Variants in TRMT61B observed in about 807,000 individuals in gnomAD.
The protein encoded by TRMT61B is tRNA methyltransferase 61B, also known as tRNA (adenine(58)-N(1))-methyltransferase, mitochondrial.
A neutral mutation model predicts 52.0 loss-of-function variants in TRMT61B; 56 were observed. The ratio of observed to expected loss-of-function variants is 1.08; its 90% CI spans 0.87 to 1.35. The LOEUF (loss-of-function observed/expected upper bound fraction) is 1.35. TRMT61B is among the 40% of genes most tolerant of loss of function. The probability of loss-of-function intolerance (pLI) is 0.00; values close to 1 mark genes in which losing one functional copy is unlikely to be tolerated. For missense variants in TRMT61B, 650 were observed against 577.9 expected, an observed-to-expected ratio of 1.12 and a Z score of -1.28; for synonymous variants, 206 against 220.0, an observed-to-expected ratio of 0.94 and a Z score of 0.56.
intron 2 of TRMT61B, 138 bp from the exon 3 acceptor site, chr2:28,861,446 T>A: frequency 1.5e-6 from 1 of 685,934 alleles, no homozygotes. Flanking sequence ...TGATCTCCTA[T>A]CCCTGATCTC....
At chr2:28,853,781 A>G (rs1347265080) in intron 3 of TRMT61B, among the ~76,000 whole-genome samples, 1 of 152,074 alleles carries the variant, frequency 6.6e-6, no homozygotes, top group Non-Finnish European at 1.5e-5. Flanking sequence ...GGTTGCAGTA[A>G]GCCAAGATTA....
chr2:28,865,052 C>T lies in TRMT61B; in HGVS notation c.767G>A (p.Gly256Asp). The T allele has an allele frequency of 6.2e-7, 1 of 1,613,108 alleles. No individual in the cohort carries two copies. Among genetic ancestry groups the T allele is most frequent in the Admixed American group, 1.7e-5 (1 of 60,012 alleles). Residue 256 changes from glycine (G) to aspartate (D), a missense_variant, in exon 2 of 7, where the codon GGC (glycine) becomes GAC (aspartate). By Grantham distance (94) the Gly-to-Asp change is moderately conservative. Coordinates refer to ENST00000306108, the MANE Select transcript of TRMT61B (RefSeq NM_017910.4). The stretch of plus-strand genomic sequence containing the variant: ...TAAAAATAAGCTCATTCCACCAGAG[C>T]CTGAGCCAGCTTCCAAAACAGTATC... The part of the protein sequence containing the change: ...PGDTVLEAGS[G>D]SGGMSLFLSK...
At chr2:28,860,721 C>A (rs1669565345) in intron 3 of TRMT61B, among the ~76,000 whole-genome samples, 1 of 152,182 alleles carries the variant, frequency 6.6e-6, no homozygotes, top group South Asian at 2.1e-4. Context: ...ACTAAAGATG[C>A]CTTCTGCCTA....
chr2:28,856,673 C>T (rs1274763865), intron 3 of TRMT61B, among the ~76,000 whole-genome samples: 1 of 151,214 alleles, frequency 6.6e-6, no homozygotes. Flanking sequence ...CTCATCCTGT[C>T]GCCCAGGTTG....
intron 3 of TRMT61B, 81 bp downstream of exon 3, chr2:28,861,037 C>G (rs1183320931): frequency 9.9e-6 from 12 of 1,211,094 alleles, no homozygotes; most frequent in Non-Finnish European, 1.4e-5. Context: ...GAAGGAAGAC[C>G]TTTGCCCATA....
chr2:28,850,497 G>T (rs984866617), intron 5 of TRMT61B, 92 bp from the exon 6 acceptor site: 7 of 835,272 alleles, frequency 8.4e-6, no homozygotes, highest in East Asian at 5.5e-5. Flanking sequence ...TCTCTTTATT[G>T]TAAGTTTTTT....
At position 28,867,588 on chromosome 2, in the gene TRMT61B, G is replaced by A. The variant is rs542303921; in HGVS notation, c.699+1991C>T. The stretch of plus-strand genomic sequence containing the variant: ...AATTTAGTACTTAAATTCCTCCTTA[G>A]AGTGGAACAATGTGACTTTTATCTG... On this transcript the variant is annotated intron_variant, in intron 1 of 6. Transcript: ENST00000306108. Among the ~76,000 whole-genome samples, 3 of 152,290 alleles carry A rather than the reference G, an allele frequency of 2.0e-5. No individual in the cohort carries two copies. The South Asian group carries it at 6.2e-4, about 32-fold the overall frequency.
At position 28,850,378 on chromosome 2, in the gene TRMT61B, C is replaced by A; in HGVS notation, c.1340G>T (p.Gly447Val). 6.2e-7 allele frequency: 1 copy of A among 1,608,546 alleles called. No individual in the cohort carries two copies. Among genetic ancestry groups the A allele is most frequent in the Non-Finnish European group, 8.5e-7 (1 of 1,177,428 alleles). The stretch of plus-strand genomic sequence containing the variant: ...TGGTCTAGCAACATAGGGAAATGAT[C>A]CATATGGAAAATCAGAATGCGATTC... Reference protein sequence around the residue: ...HEESHSDFPYGSFPYVARPVH... With the variant: ...HEESHSDFPYVSFPYVARPVH... The change falls in exon 6 of 7, where the codon GGA becomes GTA. Residue 447 changes from glycine (G) to valine (V), a missense_variant. Transcript: ENST00000306108.
At chr2:28,851,337 A>G (rs765823744) in intron 4 of TRMT61B, 39 bp from the exon 5 acceptor site, 1 of 1,370,800 alleles carries the variant, frequency 7.3e-7, no homozygotes, top group Non-Finnish European at 1.0e-6. Context: ...CTACTAAAAT[A>G]ATAACATTAT....
chr2:28,858,041 CTT>C (rs372996493), intron 3 of TRMT61B, among the ~76,000 whole-genome samples: 9 of 133,286 alleles, frequency 6.8e-5, no homozygotes, highest in Non-Finnish European at 4.7e-5. Context: ...TTGTTTAATT[CTT>C]TTTTTTTTTT....
At chr2:28,853,543 A>ATT (rs1362463408) in intron 3 of TRMT61B, among the ~76,000 whole-genome samples, 1 of 152,170 alleles carries the variant, frequency 6.6e-6, no homozygotes, top group Non-Finnish European at 1.5e-5. Flanking sequence ...GGCAACAGAA[A>ATT]TTCACATTGT....
Position 28,870,099 on chromosome 2 carries a change from T to C in TRMT61B, c.179A>G (p.Lys60Arg), listed in dbSNP as rs779033874. The change falls in exon 1 of 7, where the codon AAA (lysine) becomes AGA (arginine). Residue 60 changes from lysine (K) to arginine (R), a missense_variant. Transcript: ENST00000306108. ...TGGGCAAGACTCTGCTCCTGGGGCTTTCCTTTGTGCCGCCTCGTGCTCTCT... is the reference window on the plus strand; with the variant it reads ...TGGGCAAGACTCTGCTCCTGGGGCTCTCCTTTGTGCCGCCTCGTGCTCTCT... Reference protein sequence around the residue: ...GEREHEAAQRKAPGAESCPSL... With the variant: ...GEREHEAAQRRAPGAESCPSL... 1.2e-6 allele frequency: 2 copies of C among 1,614,054 alleles called. No individual in the cohort carries two copies. The highest frequency in any genetic ancestry group is 2.2e-5 in the South Asian group (2 of 91,064).
In TRMT61B at chr2:28,869,785, C is replaced by T; in HGVS notation, c.493G>A (p.Glu165Lys). ...ELILAETGEG[E>K]TKFKKLFRLN... ...CTAAATAATTTCTTAAATTTTGTTT[C>T]TCCCTCCCCAGTCTCAGCTAAAATC... The change falls in exon 1 of 7, where the codon GAA becomes AAA. Residue 165 changes from glutamate to lysine, a missense_variant. By Grantham distance (56) the Glu-to-Lys change is moderately conservative (BLOSUM62 1). Transcript: ENST00000306108. The T allele has an allele frequency of 6.2e-7, 1 of 1,614,162 alleles. No homozygotes were observed. The highest frequency in any genetic ancestry group is 8.5e-7 in the Non-Finnish European group (1 of 1,180,016).
At chr2:28,864,435 A>G (rs1669741705) in intron 2 of TRMT61B, among the ~76,000 whole-genome samples, 1 of 152,266 alleles carries the variant, frequency 6.6e-6, no homozygotes, top group South Asian at 2.1e-4. Flanking sequence ...TGAAAGAACT[A>G]CTGCTGCATG....
intron 3 of TRMT61B, among the ~76,000 whole-genome samples, chr2:28,853,575 GC>G (rs1291652506): frequency 2.6e-5 from 4 of 152,148 alleles, no homozygotes; most frequent in African/African-American, 9.7e-5. Flanking sequence ...AGTGGCTCAC[GC>G]CTATAATCCC....
intron 2 of TRMT61B, among the ~76,000 whole-genome samples, chr2:28,861,725 T>C (rs545245499): frequency 1.1e-4 from 17 of 152,346 alleles, no homozygotes; most frequent in African/African-American, 4.1e-4. Flanking sequence ...TATGCTAATA[T>C]AAACAATACT....
rs529748869 is a variant in TRMT61B, at chr2:28,858,133, C to T, written c.993+2985G>A. 1.3e-3 allele frequency among the ~76,000 whole-genome samples: 202 copies of T among 151,768 alleles called. 1 individual carries two copies. The highest frequency in any genetic ancestry group is 2.3e-3 in the Non-Finnish European group (159 of 67,926). On this transcript the variant is annotated intron_variant, in intron 3 of 6. Coordinates refer to ENST00000306108, the MANE Select transcript of TRMT61B (RefSeq NM_017910.4). ...TCGGCTCACTGCAAGCTCCGCCTCC[C>T]GGGTTCAGGCCATTCTCCTGCCTCA...
chr2:28,858,829 C>T (rs1669466764), intron 3 of TRMT61B, among the ~76,000 whole-genome samples: 1 of 150,004 alleles, frequency 6.7e-6, no homozygotes, highest in African/African-American at 2.5e-5. Context: ...AGAAAAGCTC[C>T]GGATTTTTTC....
At position 28,865,028 on chromosome 2, in the gene TRMT61B, A is replaced by G; in HGVS notation, c.791T>C (p.Leu264Ser). The G allele has an allele frequency of 6.2e-7, 1 of 1,608,622 alleles. No homozygotes were observed. Among genetic ancestry groups the G allele is most frequent in the South Asian group, 1.1e-5 (1 of 90,916 alleles). Residue 264 changes from leucine to serine, a missense_variant, in exon 2 of 7, where the codon TTA becomes TCA. By Grantham distance (145) the Leu-to-Ser change is moderately radical. Coordinates refer to ENST00000306108, the MANE Select transcript of TRMT61B (RefSeq NM_017910.4). Reference sequence around the variant, plus strand: ...GTCCAATCTCTTACCTGCTTTGGATAAAAATAAGCTCATTCCACCAGAGCC... The same window carrying G: ...GTCCAATCTCTTACCTGCTTTGGATGAAAATAAGCTCATTCCACCAGAGCC... The part of the protein sequence containing the change: ...GSGSGGMSLF[L>S]SKAVGSQGRV...
Sources: allele counts gnomAD v4.1 joint callset (sites outside exome capture counted in the v4.1 genomes callset), GRCh38; gene constraint gnomAD v4.1.1; transcripts MANE v1.5; gene names NCBI Gene and HGNC (gene_info 2026-07-23, HGNC 2026-07-21).